The following CENPA variants were observed in gnomAD, a reference collection of about 807,000 sequenced individuals.
CENPA encodes the protein histone H3-like centromeric protein A.
A neutral mutation model predicts 17.2 loss-of-function variants in CENPA; 7 were observed. The ratio of observed to expected loss-of-function variants is 0.41; its 90% CI spans 0.23 to 0.76. CENPA has a LOEUF of 0.76. Among genes scored for constraint, CENPA ranks in the 30% least tolerant of loss-of-function variants. The pLI, the probability that CENPA is intolerant of heterozygous loss-of-function variation, is 0.34. For missense variants in CENPA, 149 were observed against 193.1 expected, an observed-to-expected ratio of 0.77 and a Z score of 1.35; for synonymous variants, 82 against 77.4, an observed-to-expected ratio of 1.06 and a Z score of -0.31.
intron 2 of CENPA, 58 bp downstream of exon 2, chr2:26,792,298 C>T: frequency 7.2e-7 from 1 of 1,396,842 alleles, no homozygotes; most frequent in East Asian, 2.4e-5. Context: ...TTAAATTTTC[C>T]CAGGTATTAG....
At chr2:26,792,621 G>A (rs1664641906) in intron 2 of CENPA, 135 bp from the exon 3 acceptor site, 1 of 801,814 alleles carries the variant, frequency 1.2e-6, no homozygotes, top group Non-Finnish European at 2.2e-6. Context: ...CTCCTAATTG[G>A]GTCCTAAGAT....
rs1664655179 is a variant in CENPA at position 26,793,339 on chromosome 2, T to G, written c.*47+13T>G. On this transcript the variant is annotated intron_variant, in intron 4 of 4. Coordinates refer to ENST00000335756, the MANE Select transcript of CENPA (RefSeq NM_001809.4). ...GCTCAGCCAGGGGGTAAGCTCATCCTCTTTCACAGGACTGGGGCTGGAATT... is the reference window on the plus strand; with the variant it reads ...GCTCAGCCAGGGGGTAAGCTCATCCGCTTTCACAGGACTGGGGCTGGAATT... 3 of 1,594,654 alleles carry G rather than the reference T, an allele frequency of 1.9e-6. No individual in the cohort carries two copies. The highest frequency in any genetic ancestry group is 1.1e-5 in the South Asian group (1 of 88,776).
chr2:26,789,203 ACTC>A (rs1215068397), intron 1 of CENPA, among the ~76,000 whole-genome samples: 1 of 151,534 alleles, frequency 6.6e-6, no homozygotes, highest in African/African-American at 2.4e-5. Flanking sequence ...TGCTTGAACT[ACTC>A]CTGTCAGGGT....
In CENPA at chr2:26,793,020, G is replaced by A. The variant is rs1664648884; in HGVS notation, c.289-125G>A. 17 of 1,396,578 alleles carry A rather than the reference G, an allele frequency of 1.2e-5. No homozygotes were observed. The Admixed American group carries it at 1.3e-4, about 11-fold the overall frequency. The allele number at this position is 1,396,578 out of a possible 1,614,324, so 86.5% of individuals were successfully genotyped here. A position where few individuals can be genotyped will look rare whatever the true frequency, so the allele number is the denominator to read the frequency against. Reference sequence around the variant, plus strand: ...TAGCAGAATTCCCTGGCAAAGTTCAGTCTCATTCTGTGAATAGTTTCCTAC... The same window carrying A: ...TAGCAGAATTCCCTGGCAAAGTTCAATCTCATTCTGTGAATAGTTTCCTAC... On this transcript the variant is annotated intron_variant, in intron 3 of 4. Coordinates refer to ENST00000335756, the MANE Select transcript of CENPA (RefSeq NM_001809.4).
chr2:26,789,714 C>A (rs541752395), intron 1 of CENPA, among the ~76,000 whole-genome samples: 52 of 152,266 alleles, frequency 3.4e-4, no homozygotes, highest in Non-Finnish European at 6.8e-4. Context: ...TGGGAGACCC[C>A]CGTCTCCAAT....
At position 26,794,496 on chromosome 2, in the gene CENPA, GTT is replaced by G. The variant is rs1664679191; in HGVS notation, c.*733_*734del. ...AAATCATAGAAGATGTATCATAACA[GTT>G]CAGAATTTTAAAGTACATTTTCGAT... is the stretch of plus-strand genomic sequence containing the variant. On this transcript the variant is annotated 3_prime_UTR_variant, in exon 5 of 5. Coordinates refer to ENST00000335756, the MANE Select transcript of CENPA (RefSeq NM_001809.4). 6.6e-6 allele frequency: 1 copy of G among 152,134 alleles called. No homozygotes were observed. Among genetic ancestry groups the G allele is most frequent in the South Asian group, 2.1e-4 (1 of 4,830 alleles). 9.4% of individuals were successfully genotyped at this position (152,134 alleles called of 1,614,324 possible).
Position 26,786,264 on chromosome 2 carries a change from C to T in CENPA, c.68C>T (p.Thr23Ile). Residue 23 changes from threonine to isoleucine, a missense_variant, in exon 1 of 5, where the codon ACC becomes ATC. This residue lies in a region of CENPA where 95 missense variants were observed against 87.5 expected (regional missense o/e 1.09). Coordinates refer to ENST00000335756, the MANE Select transcript of CENPA (RefSeq NM_001809.4). ...AGGCGCAGCCCGAGCCCGACCCCGA[C>T]CCCCGGCCCCTCCCGGCGGGGCCCC... Reference protein sequence around the residue: ...PRRRSPSPTPTPGPSRRGPSL... With the variant: ...PRRRSPSPTPIPGPSRRGPSL... 7.4e-7 allele frequency: 1 copy of T among 1,351,136 alleles called. No individual in the cohort carries two copies. Among genetic ancestry groups the T allele is most frequent in the Non-Finnish European group, 9.5e-7 (1 of 1,057,588 alleles). The allele number at this position is 1,351,136 out of a possible 1,614,324, so 83.7% of individuals were successfully genotyped here.
At chr2:26,788,711 T>C (rs1195281511) in intron 1 of CENPA, among the ~76,000 whole-genome samples, 1 of 152,246 alleles carries the variant, frequency 6.6e-6, no homozygotes, top group African/African-American at 2.4e-5. Flanking sequence ...GTTTCCCTCT[T>C]GTTGCCCAGG....
intron 1 of CENPA, among the ~76,000 whole-genome samples, chr2:26,788,809 A>G (rs1439016510): frequency 2.6e-5 from 4 of 152,072 alleles, no homozygotes; most frequent in East Asian, 1.9e-4. Flanking sequence ...CCGAGTAGCT[A>G]GGATTACAGG....
rs540097120 is a variant in CENPA, at chr2:26,787,232, T to C, written c.100+936T>C. On this transcript the variant is annotated intron_variant, in intron 1 of 4. Transcript: ENST00000335756. ...CTTTTTTGGGTTTTTTGTTTTGTTT[T>C]GGAGACGGAGTCAGGCTTTGTCGCC... Among the ~76,000 whole-genome samples, 6 of 152,266 alleles carry C rather than the reference T, an allele frequency of 3.9e-5. No homozygotes were observed. The South Asian group carries it at 1.2e-3, about 32-fold the overall frequency.
intron 1 of CENPA, among the ~76,000 whole-genome samples, chr2:26,788,341 C>T (rs1664550574): frequency 6.6e-6 from 1 of 151,846 alleles, no homozygotes; most frequent in Non-Finnish European, 1.5e-5. Context: ...TTTGTAGAGA[C>T]AAATTGTTTT....
At position 26,786,136 on chromosome 2, in the gene CENPA, C is replaced by G; in HGVS notation, c.-61C>G. 1 of 1,357,506 alleles carries G rather than the reference C, an allele frequency of 7.4e-7. No individual in the cohort carries two copies. The highest frequency in any genetic ancestry group is 1.7e-5 in the South Asian group (1 of 58,814). 84.1% of individuals were successfully genotyped at this position (1,357,506 alleles called of 1,614,324 possible). On this transcript the variant is annotated 5_prime_UTR_variant, in exon 1 of 5. Transcript: ENST00000335756. ...TCCCCAGAAGCCAGCCTTTCGCTCC[C>G]GGACCCGGCAGCCCGAGCAGGAGCC... is the stretch of plus-strand genomic sequence containing the variant.
In CENPA at chr2:26,792,128, C is replaced by T. The variant is rs1159467323; in HGVS notation, c.101-3C>T. ...CCACTGAACTTACCTTTCTTTTGCT[C>T]AGGCGCTTCCTCCCATCAACACAGT... On this transcript the variant is annotated splice_region_variant and splice_polypyrimidine_tract_variant and intron_variant, in intron 1 of 4. Coordinates refer to ENST00000335756, the MANE Select transcript of CENPA (RefSeq NM_001809.4). 7 of 1,613,268 alleles carry T rather than the reference C, an allele frequency of 4.3e-6. No homozygotes were observed. Among genetic ancestry groups the T allele is most frequent in the Non-Finnish European group, 5.9e-6 (7 of 1,179,618 alleles).
At chr2:26,792,639 C>A in intron 2 of CENPA, 117 bp from the exon 3 acceptor site, 1 of 943,696 alleles carries the variant, frequency 1.1e-6, no homozygotes, top group Admixed American at 2.0e-5. Flanking sequence ...GATTAAGAGC[C>A]AGGAAAAAAT....
At chr2:26,791,631 T>C (rs1371434180) in intron 1 of CENPA, among the ~76,000 whole-genome samples, 1 of 152,150 alleles carries the variant, frequency 6.6e-6, no homozygotes, top group Non-Finnish European at 1.5e-5. Context: ...ACAAGGGAAT[T>C]GTACTAGTCT....
At chr2:26,786,913 CTG>C (rs1238999517) in intron 1 of CENPA, among the ~76,000 whole-genome samples, 2 of 152,150 alleles carry the variant, frequency 1.3e-5, no homozygotes, top group Admixed American at 6.5e-5. Context: ...GGGCCGAAGT[CTG>C]TGTCTTAATT....
intron 1 of CENPA, among the ~76,000 whole-genome samples, chr2:26,786,645 G>C (rs960788247): frequency 6.6e-6 from 1 of 152,266 alleles, no homozygotes; most frequent in African/African-American, 2.4e-5. Flanking sequence ...TGAGAAAGCC[G>C]AGGCACAGGC....
intron 2 of CENPA, chr2:26,792,487 G>A (rs1258587418): frequency 1.4e-5 from 10 of 711,620 alleles, no homozygotes; most frequent in East Asian, 2.7e-5. Context: ...GAACTCTCTC[G>A]TTTGTCCACC....
At chr2:26,791,551 A>G (rs1664614949) in intron 1 of CENPA, among the ~76,000 whole-genome samples, 1 of 152,182 alleles carries the variant, frequency 6.6e-6, no homozygotes, top group Admixed American at 6.5e-5. Context: ...CACCTTACAC[A>G]GGTCTCAGCT....
Sources: allele counts gnomAD v4.1 joint callset (sites outside exome capture counted in the v4.1 genomes callset), GRCh38; gene constraint gnomAD v4.1.1; regional missense constraint gnomAD v4.1.1; transcripts MANE v1.5; gene names NCBI Gene and HGNC (gene_info 2026-07-23, HGNC 2026-07-21).